The following CDK14 variants were observed in gnomAD, a reference collection of about 807,000 sequenced individuals.
CDK14 encodes cyclin dependent kinase 14.
In CDK14, 34 loss-of-function variants were observed where a neutral mutation model predicts 60.7. The ratio of observed to expected loss-of-function variants is 0.56; its 90% CI spans 0.43 to 0.75. The LOEUF is 0.75. Ranked by LOEUF, CDK14 falls within the 30% of genes least tolerant of loss-of-function variation. The pLI is 0.00. For synonymous variants in CDK14, 197 were observed against 203.7 expected (o/e 0.97, Z 0.28); for missense variants, 482 against 564.1 (o/e 0.85, Z 1.47).
At chr7:90,917,308 A>T (rs1297398478) in intron 7 of CDK14, among the ~76,000 whole-genome samples, 1 of 152,184 alleles carries the variant, frequency 6.6e-6, no homozygotes, top group African/African-American at 2.4e-5. Flanking sequence ...TTATAAAAAA[A>T]TTGATTATTT....
chr7:90,622,966 A>C (rs1216818866), intron 2 of CDK14, among the ~76,000 whole-genome samples: 2 of 125,750 alleles, frequency 1.6e-5, no homozygotes, highest in East Asian at 2.3e-4. Context: ...CTCCATCTGC[A>C]CTCTCTGGTT....
At chr7:90,667,030 TTTA>T (rs1204660650) in intron 2 of CDK14, among the ~76,000 whole-genome samples, 2 of 152,206 alleles carry the variant, frequency 1.3e-5, no homozygotes, top group African/African-American at 4.8e-5. Flanking sequence ...GCTGAACTAT[TTTA>T]TTTTTATTTA....
intron 14 of CDK14, among the ~76,000 whole-genome samples, chr7:91,175,940 A>G (rs1440937090): frequency 1.3e-5 from 2 of 151,516 alleles, no homozygotes; most frequent in Non-Finnish European, 2.9e-5. Flanking sequence ...AATTGAACTC[A>G]GCTCTGCACC....
chr7:90,611,884 G>A (rs544819579), intron 2 of CDK14, among the ~76,000 whole-genome samples: 4 of 147,374 alleles, frequency 2.7e-5, no homozygotes, highest in South Asian at 4.3e-4. Context: ...CCAGGCTGGA[G>A]TGCAGTGGCG....
chr7:91,100,408 C>T (rs188859072), intron 12 of CDK14, among the ~76,000 whole-genome samples: 2 of 152,254 alleles, frequency 1.3e-5, no homozygotes, highest in East Asian at 1.9e-4. Flanking sequence ...CTTATTCTGT[C>T]CTGTAGACAG....
At chr7:90,645,026 A>T (rs1034409331) in intron 2 of CDK14, among the ~76,000 whole-genome samples, 8 of 152,168 alleles carry the variant, frequency 5.3e-5, no homozygotes, top group Admixed American at 5.2e-4. Flanking sequence ...AAGCTTTTTT[A>T]TTATTATTTT....
intron 8 of CDK14, among the ~76,000 whole-genome samples, chr7:90,955,009 C>T (rs549484392): frequency 6.6e-5 from 10 of 151,122 alleles, no homozygotes; most frequent in Non-Finnish European, 1.5e-4. Flanking sequence ...GGTCAAATTG[C>T]GTATACCTTT....
chr7:91,004,503 G>A (rs139839295), intron 10 of CDK14, among the ~76,000 whole-genome samples: 3 of 152,188 alleles, frequency 2.0e-5, no homozygotes, highest in African/African-American at 7.2e-5. Flanking sequence ...AAGCCTAAAG[G>A]TGTGTGAGCA....
chr7:90,763,125 A>G (rs999633670), intron 4 of CDK14, among the ~76,000 whole-genome samples: 17 of 150,968 alleles, frequency 1.1e-4, no homozygotes, highest in African/African-American at 4.1e-4. Flanking sequence ...TTTATTGTAT[A>G]CACACCAAAC....
chr7:90,763,823 A>T (rs1804428922), intron 4 of CDK14, among the ~76,000 whole-genome samples: 1 of 152,150 alleles, frequency 6.6e-6, no homozygotes, highest in African/African-American at 2.4e-5. Context: ...CATTTAAAAA[A>T]AGGTTCTGTT....
chr7:90,864,535 A>C (rs1237708308), intron 6 of CDK14, among the ~76,000 whole-genome samples: 1 of 152,160 alleles, frequency 6.6e-6, no homozygotes, highest in Non-Finnish European at 1.5e-5. Context: ...GATTTCAAAA[A>C]TGTACTTATT....
intron 5 of CDK14, among the ~76,000 whole-genome samples, chr7:90,855,717 C>T (rs1194749199): frequency 6.6e-6 from 1 of 152,094 alleles, no homozygotes; most frequent in Non-Finnish European, 1.5e-5. Flanking sequence ...GAACCACGTA[C>T]AATTGCTGTG....
chr7:90,992,788 TCCTTTATATGAAG>T (rs1054800138), intron 10 of CDK14, among the ~76,000 whole-genome samples: 14 of 152,192 alleles, frequency 9.2e-5, no homozygotes, highest in African/African-American at 3.4e-4. Flanking sequence ...ATTGAAGTCA[TCCTTTATATGAAG>T]CATTTTCTTA....
At chr7:91,108,813 A>G (rs1411396990) in intron 12 of CDK14, among the ~76,000 whole-genome samples, 1 of 152,210 alleles carries the variant, frequency 6.6e-6, no homozygotes, top group African/African-American at 2.4e-5. Context: ...TCCACATTGC[A>G]CAGAAGCACA....
At chr7:90,707,431 A>G (rs1801923048) in intron 2 of CDK14, among the ~76,000 whole-genome samples, 1 of 151,992 alleles carries the variant, frequency 6.6e-6, no homozygotes, top group Non-Finnish European at 1.5e-5. Flanking sequence ...TAGCTTCCCA[A>G]GTGGCCTCCC....
chr7:90,691,952 T>C (rs1801561507), intron 2 of CDK14, among the ~76,000 whole-genome samples: 1 of 152,126 alleles, frequency 6.6e-6, no homozygotes, highest in Admixed American at 6.6e-5. Context: ...TCATAATTGT[T>C]GTGGGGCAGG....
chr7:90,994,542 G>T (rs995332070), intron 10 of CDK14, among the ~76,000 whole-genome samples: 8 of 152,188 alleles, frequency 5.3e-5, no homozygotes, highest in African/African-American at 1.9e-4. Context: ...CACTGACCAT[G>T]TAAATTTTCA....
At chr7:91,173,890 G>C (rs1276078981) in intron 14 of CDK14, among the ~76,000 whole-genome samples, 1 of 152,338 alleles carries the variant, frequency 6.6e-6, no homozygotes, top group East Asian at 1.9e-4. Context: ...AGGGGCACCC[G>C]CCATTGCACA....
At chr7:91,153,018 G>A (rs1800868868) in intron 14 of CDK14, among the ~76,000 whole-genome samples, 1 of 152,208 alleles carries the variant, frequency 6.6e-6, no homozygotes, top group South Asian at 2.1e-4. Context: ...ATCTGTTTCA[G>A]TGAGGGGTTA....
Sources: allele counts gnomAD v4.1 joint callset (sites outside exome capture counted in the v4.1 genomes callset), GRCh38; gene constraint gnomAD v4.1.1; transcripts MANE v1.5; gene names NCBI Gene and HGNC (gene_info 2026-07-23, HGNC 2026-07-21).